The following XRN2 variants were observed in gnomAD, a reference collection of about 807,000 sequenced individuals.
XRN2 encodes the protein 5'-3' exoribonuclease 2.
A neutral mutation model predicts 138.5 loss-of-function variants in XRN2; 44 were observed. That is an observed-to-expected ratio of 0.32 (90% confidence interval 0.25 to 0.41). XRN2 has a LOEUF of 0.41. XRN2 is among the 10% of genes least tolerant of loss of function. XRN2 has a pLI of 1.00. For synonymous variants in XRN2, 354 were observed against 369.4 expected (o/e 0.96, Z 0.48); for missense variants, 937 against 1,169.3 (o/e 0.80, Z 2.90).
At chr20:21,332,701 C>T (rs1466946623) in intron 9 of XRN2, among the ~76,000 whole-genome samples, 4 of 151,742 alleles carry the variant, frequency 2.6e-5, no homozygotes, top group Admixed American at 6.6e-5. Context: ...TCGACAGAGA[C>T]GAATCTTTTA....
chr20:21,303,366 C>A lies in XRN2; in HGVS notation c.-33C>A. ...CCGTCTCTTTGGTTACGCTCGTCAG[C>A]CGGTCGGCCGCCGCCTCCAGCCGTG... On this transcript the variant is annotated 5_prime_UTR_variant, in exon 1 of 30. Transcript: ENST00000377191. The A allele has an allele frequency of 6.5e-7, 1 of 1,541,570 alleles. No homozygotes were observed. The highest frequency in any genetic ancestry group is 8.7e-7 in the Non-Finnish European group (1 of 1,143,860).
At chr20:21,360,006 A>C (rs2038619063) in intron 24 of XRN2, among the ~76,000 whole-genome samples, 1 of 152,164 alleles carries the variant, frequency 6.6e-6, no homozygotes, top group South Asian at 2.1e-4. Context: ...GTGCTCAGAA[A>C]GTATGTTATA....
At chr20:21,341,240 A>G (rs535617689) in intron 15 of XRN2, among the ~76,000 whole-genome samples, 3 of 152,348 alleles carry the variant, frequency 2.0e-5, no homozygotes, top group South Asian at 2.1e-4. Flanking sequence ...AGGGACATCC[A>G]TATGTCTCAA....
chr20:21,375,826 ATTT>A (rs754309361), intron 27 of XRN2, among the ~76,000 whole-genome samples: 10,503 of 145,132 alleles, frequency 0.072, 408 homozygotes, highest in Middle Eastern at 0.079. Context: ...TTATTTATTT[ATTT>A]TTTATTTATT....
chr20:21,357,902 T>TCTCGAAGCATTGGTG, intron 24 of XRN2, 110 bp downstream of exon 24: 1 of 853,590 alleles, frequency 1.2e-6, no homozygotes, highest in Non-Finnish European at 1.8e-6. Flanking sequence ...AATCCACCAA[T>TCTCGAAGCATTGGTG]GCTTCGAGAT....
At chr20:21,368,295 A>G (rs900020145) in intron 26 of XRN2, among the ~76,000 whole-genome samples, 168 bp from the exon 27 acceptor site, 1 of 152,244 alleles carries the variant, frequency 6.6e-6, no homozygotes, top group African/African-American at 2.4e-5. Context: ...CACTATTACC[A>G]TTATGTAGTT....
In XRN2 at chr20:21,349,120, T is replaced by C. The variant is rs572673970; in HGVS notation, c.1864-269T>C. On this transcript the variant is annotated intron_variant, in intron 19 of 29. Transcript: ENST00000377191. Reference sequence around the variant, plus strand: ...GGGAAGTAGGAAATGTTAGAGTACGTAAACCCTTTACTTTCTGCCTGTCTG... The same window carrying C: ...GGGAAGTAGGAAATGTTAGAGTACGCAAACCCTTTACTTTCTGCCTGTCTG... Among the ~76,000 whole-genome samples, 4 of 152,348 alleles carry C rather than the reference T, an allele frequency of 2.6e-5. No homozygotes were observed. In the South Asian group the frequency reaches 8.3e-4, roughly 32 times the overall value.
chr20:21,376,726 G>C (rs1418499473), intron 27 of XRN2, among the ~76,000 whole-genome samples: 5 of 152,136 alleles, frequency 3.3e-5, no homozygotes, highest in African/African-American at 1.2e-4. Context: ...AGAAGGGAAT[G>C]AAGAGTCCTG....
intron 1 of XRN2, among the ~76,000 whole-genome samples, chr20:21,321,424 G>C (rs1246088994): frequency 6.6e-6 from 1 of 151,328 alleles, no homozygotes; most frequent in Non-Finnish European, 1.5e-5. Flanking sequence ...CAACTCCTGG[G>C]CTCATGCAGA....
chr20:21,380,916 A>G (rs187445662), intron 27 of XRN2, among the ~76,000 whole-genome samples: 1 of 152,332 alleles, frequency 6.6e-6, no homozygotes, highest in Admixed American at 6.5e-5. Flanking sequence ...ATGGGAAGGA[A>G]GCCAGGGCTG....
intron 27 of XRN2, among the ~76,000 whole-genome samples, chr20:21,371,887 C>G (rs1255142909): frequency 6.6e-6 from 1 of 152,234 alleles, no homozygotes; most frequent in Non-Finnish European, 1.5e-5. Context: ...AAATAGACAA[C>G]TCTTGTTTGC....
intron 26 of XRN2, among the ~76,000 whole-genome samples, chr20:21,366,083 AG>A (rs2038695575): frequency 8.5e-6 from 1 of 118,080 alleles, no homozygotes; most frequent in Non-Finnish European, 1.7e-5. Flanking sequence ...TTATATTTAT[AG>A]TTTATATATA....
Position 21,368,604 on chromosome 20 carries a change from A to G in XRN2, c.2584+14A>G, listed in dbSNP as rs757856627. On this transcript the variant is annotated intron_variant, in intron 27 of 29. Transcript: ENST00000377191. ...AACTTATGTCAAGTAAGCTTTTACA[A>G]ATCGGTTATTTTACATTATAAATTA... The G allele has an allele frequency of 3.7e-6, 6 of 1,609,518 alleles. No homozygotes were observed. The African/African-American group carries it at 4.0e-5, about 11-fold the overall frequency.
At chr20:21,341,489 G>A (rs763953530) in intron 15 of XRN2, among the ~76,000 whole-genome samples, 3 of 152,020 alleles carry the variant, frequency 2.0e-5, no homozygotes, top group Non-Finnish European at 4.4e-5. Context: ...TTTGAACTTG[G>A]TAATCCAAAC....
At chr20:21,365,881 TTATATAATATATAATTATA>T (rs1170093078) in intron 26 of XRN2, among the ~76,000 whole-genome samples, 177 bp downstream of exon 26, 1 of 85,228 alleles carries the variant, frequency 1.2e-5, no homozygotes, top group African/African-American at 4.6e-5. Context: ...ATATATAATA[TTATATAATATATAATTATA>T]TATATAATAT....
chr20:21,365,721 T>A lies in XRN2; in HGVS notation c.2456+17T>A. The A allele has an allele frequency of 6.3e-7, 1 of 1,597,612 alleles. No individual in the cohort carries two copies. Among genetic ancestry groups the A allele is most frequent in the African/African-American group, 1.4e-5 (1 of 73,022 alleles). ...GACTTTGGGGTGAGTTGTCAGTTTTTAGCCCTTGTATATTTTGCTTTTTCT... is the reference window on the plus strand; with the variant it reads ...GACTTTGGGGTGAGTTGTCAGTTTTAAGCCCTTGTATATTTTGCTTTTTCT... On this transcript the variant is annotated intron_variant, in intron 26 of 29. Coordinates refer to ENST00000377191, the MANE Select transcript of XRN2 (RefSeq NM_012255.5).
intron 24 of XRN2, among the ~76,000 whole-genome samples, chr20:21,364,274 C>T (rs2038669733): frequency 6.6e-6 from 1 of 152,142 alleles, no homozygotes; most frequent in Non-Finnish European, 1.5e-5. Flanking sequence ...GTTATTCATA[C>T]ACTTGGGTTT....
intron 4 of XRN2, among the ~76,000 whole-genome samples, chr20:21,329,834 TC>T (rs1231635319): frequency 1.4e-5 from 1 of 70,046 alleles, no homozygotes; most frequent in Non-Finnish European, 3.2e-5. Context: ...GGAACTGTTA[TC>T]AAAAAATATG....
At position 21,340,827 on chromosome 20, in the gene XRN2, A is replaced by G. The variant is rs772199963; in HGVS notation, c.1385A>G (p.Tyr462Cys). ...QVASNPRQAA[Y>C]EMRMQNNSSP... ...GCCAGTAATCCGAGACAAGCAGCCTATGAAATGAGGATGCAGAATAACTCT... is the reference window on the plus strand; with the variant it reads ...GCCAGTAATCCGAGACAAGCAGCCTGTGAAATGAGGATGCAGAATAACTCT... Residue 462 changes from tyrosine (Y) to cysteine (C), a missense_variant, in exon 15 of 30, where the codon TAT becomes TGT. By Grantham distance (194) the Tyr-to-Cys change is radical (BLOSUM62 -2). This residue lies in a region of XRN2 where 471 missense variants were observed against 581.2 expected (regional missense o/e 0.81). Coordinates refer to ENST00000377191, the MANE Select transcript of XRN2 (RefSeq NM_012255.5). 1.9e-6 allele frequency: 3 copies of G among 1,613,972 alleles called. No individual in the cohort carries two copies. The highest frequency in any genetic ancestry group is 1.7e-4 in the Middle Eastern group (1 of 6,060).
Sources: allele counts gnomAD v4.1 joint callset (sites outside exome capture counted in the v4.1 genomes callset), GRCh38; gene constraint gnomAD v4.1.1; regional missense constraint gnomAD v4.1.1; transcripts MANE v1.5; gene names NCBI Gene and HGNC (gene_info 2026-07-23, HGNC 2026-07-21).